Variants in PALD1 observed in about 807,000 individuals in gnomAD.
The protein encoded by PALD1 is phosphatase domain containing paladin 1.
PALD1 carries 57 observed loss-of-function variants against 96.0 expected under a neutral mutation model. The observed-to-expected ratio is 0.59, with a 90% confidence interval of 0.48 to 0.74. PALD1 has a LOEUF of 0.74. Among genes scored for constraint, PALD1 ranks in the 30% least tolerant of loss-of-function variants. The pLI is 0.00. For missense variants in PALD1, 1,063 were observed against 1,143.7 expected, an observed-to-expected ratio of 0.93 and a Z score of 1.02; for synonymous variants, 464 against 473.6, an observed-to-expected ratio of 0.98 and a Z score of 0.26.
At chr10:70,536,741 G>C (rs1369918031) in intron 10 of PALD1, among the ~76,000 whole-genome samples, 4 of 152,212 alleles carry the variant, frequency 2.6e-5, no homozygotes, top group Non-Finnish European at 5.9e-5. Flanking sequence ...AAAGTTTGCC[G>C]ACACCTGGTG....
intron 18 of PALD1, among the ~76,000 whole-genome samples, chr10:70,549,010 A>T (rs1388332065): frequency 1.7e-5 from 2 of 119,228 alleles, no homozygotes; most frequent in East Asian, 4.7e-4. Context: ...GGAGTTTGAG[A>T]CCTCCCTGGG....
At chr10:70,534,334 C>T (rs976142633) in intron 8 of PALD1, 91 bp from the exon 9 acceptor site, 4 of 870,462 alleles carry the variant, frequency 4.6e-6, no homozygotes, top group Non-Finnish European at 7.4e-6. Context: ...AGTCTGGTGT[C>T]CCCCAGCGGC....
intron 10 of PALD1, among the ~76,000 whole-genome samples, chr10:70,535,293 TTTA>T (rs1847086915): frequency 6.6e-6 from 1 of 152,204 alleles, no homozygotes; most frequent in Non-Finnish European, 1.5e-5. Context: ...CTTGATAGTG[TTTA>T]TATCATACAG....
intron 12 of PALD1, 48 bp from the exon 13 acceptor site, chr10:70,538,844 G>A (rs371838642): frequency 1.2e-5 from 18 of 1,520,630 alleles, no homozygotes; most frequent in Middle Eastern, 1.7e-4. Context: ...CCCTTTCTGC[G>A]GCTACAGTCG....
At chr10:70,488,281 C>T (rs989357208) in intron 1 of PALD1, among the ~76,000 whole-genome samples, 12 of 151,922 alleles carry the variant, frequency 7.9e-5, no homozygotes, top group African/African-American at 1.9e-4. Flanking sequence ...CCACCATGCC[C>T]GGCTAATTTT....
At chr10:70,484,016 T>G (rs755247460) in intron 1 of PALD1, among the ~76,000 whole-genome samples, 6 of 152,204 alleles carry the variant, frequency 3.9e-5, no homozygotes, top group Non-Finnish European at 7.3e-5. Context: ...TTGTTTGTTT[T>G]TTTTGAGATG....
chr10:70,503,448 C>T (rs1846333191), intron 1 of PALD1, among the ~76,000 whole-genome samples: 1 of 152,006 alleles, frequency 6.6e-6, no homozygotes, highest in Admixed American at 6.6e-5. Flanking sequence ...ACAGCCTGGC[C>T]AACATGGCAA....
At chr10:70,465,054 A>T in the PALD1 span, among the ~76,000 whole-genome samples, 1 of 151,628 alleles carries the variant, frequency 6.6e-6, no homozygotes, top group Non-Finnish European at 1.5e-5. Context: ...GGCTCACTGC[A>T]AGCTCCACCT....
chr10:70,560,385 G>T (rs1847713192), intron 18 of PALD1, among the ~76,000 whole-genome samples: 1 of 152,076 alleles, frequency 6.6e-6, no homozygotes, highest in South Asian at 2.1e-4. Context: ...TCTGAGTTTG[G>T]GCAGGATGCC....
chr10:70,558,658 C>A (rs1265307615), intron 18 of PALD1, among the ~76,000 whole-genome samples: 1 of 151,746 alleles, frequency 6.6e-6, no homozygotes, highest in Non-Finnish European at 1.5e-5. Context: ...GCTGGTATTA[C>A]ACGGGGAGTA....
At chr10:70,554,073 G>T (rs551637736) in intron 18 of PALD1, among the ~76,000 whole-genome samples, 11 of 152,316 alleles carry the variant, frequency 7.2e-5, no homozygotes, top group Admixed American at 5.9e-4. Context: ...GTGTCTGCAA[G>T]GTTGAGTCAA....
intron 18 of PALD1, among the ~76,000 whole-genome samples, chr10:70,551,608 A>G (rs1426471983): frequency 6.6e-6 from 1 of 151,912 alleles, no homozygotes; most frequent in African/African-American, 2.4e-5. Context: ...GAGCCCCCAA[A>G]TGGTGAATTT....
intron 1 of PALD1, among the ~76,000 whole-genome samples, chr10:70,491,018 T>C (rs1240746318): frequency 2.0e-5 from 3 of 152,110 alleles, no homozygotes; most frequent in African/African-American, 7.2e-5. Flanking sequence ...CGATCTGGGC[T>C]CACTGCAAGC....
chr10:70,490,670 A>G (rs142651844), intron 1 of PALD1, among the ~76,000 whole-genome samples: 1 of 152,338 alleles, frequency 6.6e-6, no homozygotes, highest in Non-Finnish European at 1.5e-5. Flanking sequence ...CTGCACCTAC[A>G]TTGCCAGCCT....
intron 18 of PALD1, among the ~76,000 whole-genome samples, chr10:70,559,948 G>A (rs527558579): frequency 2.6e-5 from 4 of 152,140 alleles, no homozygotes; most frequent in East Asian, 1.9e-4. Flanking sequence ...CTCACTGAGC[G>A]CCTGCCACAT....
chr10:70,497,522 C>G (rs959902297), intron 1 of PALD1, among the ~76,000 whole-genome samples: 1 of 152,106 alleles, frequency 6.6e-6, no homozygotes, highest in East Asian at 1.9e-4. Context: ...CCATCCTGAG[C>G]TCTGCAGGGC....
In PALD1 at chr10:70,525,983, C is replaced by T. The variant is rs138724272; in HGVS notation, c.32C>T (p.Thr11Met). The change falls in exon 2 of 20, where the codon ACG becomes ATG. Residue 11 changes from threonine to methionine, a missense_variant. Coordinates refer to ENST00000263563, the MANE Select transcript of PALD1 (RefSeq NM_014431.3). The stretch of plus-strand genomic sequence containing the variant: ...ACAACGGCCAGCACAGCCCAGCAGA[C>T]GGTCTCGGCAGGCACCCCATTTGAG... MGTTASTAQQTVSAGTPFEGL... is the reference protein window; with the variant it reads MGTTASTAQQMVSAGTPFEGL... The T allele has an allele frequency of 2.6e-5, 42 of 1,614,180 alleles. No individual in the cohort carries two copies. Among genetic ancestry groups the T allele is most frequent in the African/African-American group, 1.9e-4 (14 of 75,034 alleles).
the PALD1 span, among the ~76,000 whole-genome samples, chr10:70,460,826 C>G: frequency 1.3e-5 from 2 of 152,156 alleles, no homozygotes; most frequent in African/African-American, 4.8e-5. Context: ...GAGGCCGAGG[C>G]GGGCGGATCA....
chr10:70,550,553 A>G (rs1310192989), intron 18 of PALD1, among the ~76,000 whole-genome samples: 3 of 152,188 alleles, frequency 2.0e-5, no homozygotes, highest in African/African-American at 7.2e-5. Flanking sequence ...ACATTCATAG[A>G]GTTGTGCATC....
Sources: gnomAD v4.1 joint callset for allele counts (sites outside exome capture counted in the v4.1 genomes callset) on GRCh38, gnomAD v4.1.1 for gene constraint, MANE v1.5 for transcripts, NCBI Gene and HGNC (gene_info 2026-07-23, HGNC 2026-07-21) for gene names.